Variants in TMEM260 observed in about 807,000 individuals in gnomAD.
TMEM260 encodes the protein transmembrane protein 260, also known as protein O-mannosyl-transferase TMEM260.
A neutral mutation model predicts 88.9 loss-of-function variants in TMEM260; 82 were observed. The ratio of observed to expected loss-of-function variants is 0.92; its 90% CI spans 0.77 to 1.11. TMEM260 has a LOEUF of 1.11. TMEM260 is among the 50% of genes least tolerant of loss of function. The probability of loss-of-function intolerance (pLI) is 0.00; values close to 1 mark genes in which losing one functional copy is unlikely to be tolerated. For synonymous variants in TMEM260, 314 were observed against 309.3 expected (o/e 1.02, Z -0.16); for missense variants, 902 against 853.4 (o/e 1.06, Z -0.71).
intron 15 of TMEM260, among the ~76,000 whole-genome samples, chr14:56,638,561 T>G (rs1221367119): frequency 6.6e-6 from 1 of 151,800 alleles, no homozygotes; most frequent in African/African-American, 2.4e-5. Context: ...GAGAGCTCTG[T>G]TTTTTTTCAG....
intron 15 of TMEM260, among the ~76,000 whole-genome samples, chr14:56,638,539 C>T (rs1424242184): frequency 6.6e-6 from 1 of 152,036 alleles, no homozygotes; most frequent in Non-Finnish European, 1.5e-5. Flanking sequence ...GATTTATTGT[C>T]CCTTTGGGTC....
chr14:56,581,385 G>T (rs1420205648), intron 1 of TMEM260, among the ~76,000 whole-genome samples: 6 of 152,142 alleles, frequency 3.9e-5, no homozygotes, highest in African/African-American at 7.2e-5. Flanking sequence ...AGGTCCTGTT[G>T]CACAAGTAGG....
chr14:56,654,286 T>C (rs1392272979), downstream of TMEM260, among the ~76,000 whole-genome samples: 4 of 152,216 alleles, frequency 2.6e-5, no homozygotes, highest in Non-Finnish European at 1.5e-5. Context: ...CAGGAACTTA[T>C]TAGCATAAAT....
At chr14:56,609,964 C>A in intron 6 of TMEM260, among the ~76,000 whole-genome samples, 1 of 151,980 alleles carries the variant, frequency 6.6e-6, no homozygotes, top group South Asian at 2.1e-4. Context: ...ACTTTTGTGT[C>A]CTACTTAAGA....
intron 7 of TMEM260, among the ~76,000 whole-genome samples, chr14:56,615,096 A>T (rs1256600084): frequency 6.6e-6 from 1 of 152,194 alleles, no homozygotes; most frequent in Non-Finnish European, 1.5e-5. Flanking sequence ...TCATGCTGGA[A>T]TCAATTTTTT....
chr14:56,580,098 C>T (rs183180992), intron 1 of TMEM260, 24 bp downstream of exon 1: 2 of 1,248,718 alleles, frequency 1.6e-6, no homozygotes, highest in African/African-American at 1.5e-5. Flanking sequence ...AGGGTTGCCC[C>T]TTCTGTCCCT....
chr14:56,596,809 A>C (rs995248575), intron 3 of TMEM260, among the ~76,000 whole-genome samples: 5 of 115,546 alleles, frequency 4.3e-5, no homozygotes, highest in Non-Finnish European at 1.0e-4. Flanking sequence ...ATATATATAC[A>C]CACACACACC....
intron 1 of TMEM260, among the ~76,000 whole-genome samples, chr14:56,581,797 G>A (rs1885153818): frequency 6.6e-6 from 1 of 152,170 alleles, no homozygotes; most frequent in Non-Finnish European, 1.5e-5. Context: ...AAAGTATATT[G>A]ACTTCAGAAT....
chr14:56,658,587 A>G, the TMEM260 span, among the ~76,000 whole-genome samples: 1 of 152,244 alleles, frequency 6.6e-6, no homozygotes, highest in South Asian at 2.1e-4. Flanking sequence ...GAGACTGTCT[A>G]CAAAATACCT....
intron 15 of TMEM260, among the ~76,000 whole-genome samples, chr14:56,645,885 A>G (rs2139659830): frequency 1.3e-5 from 2 of 152,312 alleles, no homozygotes; most frequent in South Asian, 4.1e-4. Context: ...CCAAGAGGAT[A>G]AAAGGGTAGG....
At chr14:56,604,838 G>T (rs746854973) in intron 4 of TMEM260, among the ~76,000 whole-genome samples, 6 of 152,170 alleles carry the variant, frequency 3.9e-5, no homozygotes, top group Non-Finnish European at 8.8e-5. Context: ...CAGTGTGGGA[G>T]TCAGTGTATG....
At chr14:56,661,545 A>C in the TMEM260 span, among the ~76,000 whole-genome samples, 1 of 51,350 alleles carries the variant, frequency 1.9e-5, no homozygotes, top group Non-Finnish European at 3.6e-5. Flanking sequence ...GGAGGGAGGG[A>C]GGGAGGGAGG....
At position 56,647,259 on chromosome 14, in the gene TMEM260, T is replaced by C. The variant is rs1350010851; in HGVS notation, c.1886T>C (p.Val629Ala). ...AQAYDLYKEI[V>A]YLQKEHPVNW... ...GTTTTCTAGCTTTATAAGGAGATTG[T>C]CTATTTACAAAAGGAGCACCCAGTG... The change falls in exon 16 of 16, where the codon GTC (valine) becomes GCC (alanine). Residue 629 changes from valine to alanine, a missense_variant. By Grantham distance (64) the Val-to-Ala change is moderately conservative (BLOSUM62 0). Coordinates refer to ENST00000261556, the MANE Select transcript of TMEM260 (RefSeq NM_017799.4). The C allele has an allele frequency of 3.7e-6, 6 of 1,613,200 alleles. No homozygotes were observed. The African/African-American group carries it at 8.0e-5, about 22-fold the overall frequency.
At chr14:56,622,714 G>T (rs554682370) in intron 11 of TMEM260, among the ~76,000 whole-genome samples, 1 of 152,152 alleles carries the variant, frequency 6.6e-6, no homozygotes, top group Non-Finnish European at 1.5e-5. Flanking sequence ...TAGGAAAAGA[G>T]AAATTCTTAA....
At chr14:56,603,710 G>A in intron 3 of TMEM260, 105 bp from the exon 4 acceptor site, 1 of 1,223,516 alleles carries the variant, frequency 8.2e-7, no homozygotes, top group Non-Finnish European at 1.2e-6. Context: ...TGTTGGAGTA[G>A]TGCTGGGTGA....
rs749734931 is a variant in TMEM260, at chr14:56,647,301, A to C, written c.1928A>C (p.Tyr643Ser). The C allele has an allele frequency of 3.7e-6, 6 of 1,613,996 alleles. No homozygotes were observed. In the African/African-American group the frequency reaches 8.0e-5, roughly 22 times the overall value. ...CACCCAGTGAATTGGCACAAGAACT[A>C]TGCCATCGCCTGTGAGCGGATGCTG... is the stretch of plus-strand genomic sequence containing the variant. The part of the protein sequence containing the change: ...KEHPVNWHKN[Y>S]AIACERMLRL... The change falls in exon 16 of 16, where the codon TAT (tyrosine) becomes TCT (serine). Residue 643 changes from tyrosine to serine, a missense_variant. Physicochemically the swap from Tyr to Ser is moderately radical, Grantham distance 144. Transcript: ENST00000261556.
At position 56,625,415 on chromosome 14, in the gene TMEM260, G is replaced by T. The variant is rs1888185977; in HGVS notation, c.1432G>T (p.Ala478Ser). The T allele has an allele frequency of 1.9e-6, 3 of 1,613,878 alleles. No individual in the cohort carries two copies. Among genetic ancestry groups the T allele is most frequent in the Non-Finnish European group, 2.5e-6 (3 of 1,179,936 alleles). The change falls in exon 12 of 16, where the codon GCA becomes TCA. Residue 478 changes from alanine (A) to serine (S), a missense_variant. Transcript: ENST00000261556. ...MTYEWYLPKM[A>S]KHLPGVNFPG... is the part of the protein sequence containing the mutation. ...TTACGAGTGGTATTTACCCAAGATGGCAAAGCACTTGCCAGGTGTCAACTT... is the reference window on the plus strand; with the variant it reads ...TTACGAGTGGTATTTACCCAAGATGTCAAAGCACTTGCCAGGTGTCAACTT...
chr14:56,626,265 G>A (rs1244877612), intron 12 of TMEM260, among the ~76,000 whole-genome samples: 1 of 152,172 alleles, frequency 6.6e-6, no homozygotes, highest in Non-Finnish European at 1.5e-5. Context: ...AGAGCCTGAA[G>A]TTTATATGGC....
intron 12 of TMEM260, among the ~76,000 whole-genome samples, chr14:56,631,129 A>G (rs1369255765): frequency 6.6e-6 from 1 of 152,212 alleles, no homozygotes; most frequent in African/African-American, 2.4e-5. Context: ...AAAGCTCTAA[A>G]GCAGAAATGA....
Sources: gnomAD v4.1 joint callset for allele counts (sites outside exome capture counted in the v4.1 genomes callset) on GRCh38, gnomAD v4.1.1 for gene constraint, MANE v1.5 for transcripts, NCBI Gene and HGNC (gene_info 2026-07-23, HGNC 2026-07-21) for gene names.